ROBO2: variants seen among roughly 807,000 people sequenced by gnomAD.
ROBO2 encodes the protein roundabout homolog 2.
ROBO2 carries 53 observed loss-of-function variants against 160.8 expected under a neutral mutation model. The observed-to-expected ratio is 0.33, with a 90% CI of 0.26 to 0.41. ROBO2 has a LOEUF of 0.41. Among genes scored for constraint, ROBO2 ranks in the 10% least tolerant of loss-of-function variants. The probability of loss-of-function intolerance (pLI) is 1.00; values close to 1 mark genes in which losing one functional copy is unlikely to be tolerated. For missense variants in ROBO2, 1,577 were observed against 1,722.4 expected, an observed-to-expected ratio of 0.92 and a Z score of 1.49; for synonymous variants, 664 against 611.7, an observed-to-expected ratio of 1.09 and a Z score of -1.26.
rs140716647 is a variant in ROBO2 at position 76,660,806 on chromosome 3, A to T, written c.110-437208A>T. On this transcript the variant is annotated intron_variant, in intron 2 of 26. Transcript: ENST00000487694. ...TATGTACATCAAAGCTATTTTGACA[A>T]TTTGGCACTCAAAAAGAATTTACAG... Among the ~76,000 whole-genome samples the T allele has an allele frequency of 8.0e-3, 1,225 of 152,238 alleles. 9 individuals are homozygous for T. The highest frequency in any genetic ancestry group is 0.026 in the African/African-American group (1,089 of 41,544).
chr3:77,282,571 A>C (rs1346512647), intron 2 of ROBO2, among the ~76,000 whole-genome samples: 1 of 152,100 alleles, frequency 6.6e-6, no homozygotes, highest in Non-Finnish European at 1.5e-5. Flanking sequence ...TTGTATGAAA[A>C]GTTGAAGAGA....
chr3:77,487,560 T>A (rs1488274067), intron 4 of ROBO2, among the ~76,000 whole-genome samples: 1 of 152,198 alleles, frequency 6.6e-6, no homozygotes, highest in Non-Finnish European at 1.5e-5. Context: ...TCAGTCTTTT[T>A]CTGGAAGGGC....
chr3:76,326,229 G>A (rs911579269), intron 2 of ROBO2, among the ~76,000 whole-genome samples: 11 of 152,212 alleles, frequency 7.2e-5, no homozygotes, highest in Non-Finnish European at 1.5e-4. Flanking sequence ...AATGGCACAT[G>A]ATCAATGTAG....
intron 2 of ROBO2, among the ~76,000 whole-genome samples, chr3:76,608,682 T>G (rs1420668113): frequency 6.6e-6 from 1 of 152,164 alleles, no homozygotes; most frequent in Non-Finnish European, 1.5e-5. Context: ...CCCAATGTGT[T>G]TTTTTAGAAG....
At chr3:77,287,486 C>T (rs1482716369) in intron 2 of ROBO2, among the ~76,000 whole-genome samples, 1 of 152,128 alleles carries the variant, frequency 6.6e-6, no homozygotes, top group Non-Finnish European at 1.5e-5. Context: ...CACACCATCC[C>T]CAGATACTTC....
chr3:77,156,616 CATTTTT>C (rs1330033998), intron 2 of ROBO2, among the ~76,000 whole-genome samples: 1 of 151,812 alleles, frequency 6.6e-6, no homozygotes, highest in Non-Finnish European at 1.5e-5. Flanking sequence ...AAATTCTTAA[CATTTTT>C]AAGCTCCTGT....
At chr3:77,016,166 C>T (rs964175932) in intron 2 of ROBO2, among the ~76,000 whole-genome samples, 3 of 151,904 alleles carry the variant, frequency 2.0e-5, no homozygotes, top group African/African-American at 4.8e-5. Flanking sequence ...TTAGTAGAGA[C>T]GGGGTTTCAC....
At chr3:77,582,391 G>GTTTT (rs765606855) in intron 16 of ROBO2, among the ~76,000 whole-genome samples, 51 of 151,318 alleles carry the variant, frequency 3.4e-4, no homozygotes, top group Non-Finnish European at 1.9e-4. Flanking sequence ...AGCCAGTCTT[G>GTTTT]TTTTTTTTTA....
At chr3:76,509,247 G>C (rs2080955306) in intron 2 of ROBO2, among the ~76,000 whole-genome samples, 1 of 152,150 alleles carries the variant, frequency 6.6e-6, no homozygotes, top group Non-Finnish European at 1.5e-5. Flanking sequence ...GTTGCAGGCA[G>C]CCCCACTCTC....
At chr3:76,151,121 C>T (rs2072180743) in intron 2 of ROBO2, among the ~76,000 whole-genome samples, 1 of 152,098 alleles carries the variant, frequency 6.6e-6, no homozygotes, top group African/African-American at 2.4e-5. Flanking sequence ...ATCCTTGTGA[C>T]CTTATTATAA....
At chr3:77,320,453 C>T (rs902741064) in intron 2 of ROBO2, among the ~76,000 whole-genome samples, 4 of 152,074 alleles carry the variant, frequency 2.6e-5, no homozygotes, top group Admixed American at 6.6e-5. Context: ...GCCTCTTGAT[C>T]TTTTCCCACT....
chr3:76,162,094 C>A (rs1288079398), intron 2 of ROBO2, among the ~76,000 whole-genome samples: 3 of 152,126 alleles, frequency 2.0e-5, no homozygotes, highest in Non-Finnish European at 4.4e-5. Flanking sequence ...CTACTTTGGA[C>A]ATAAGTTATG....
At chr3:76,577,184 G>A (rs1296816284) in intron 2 of ROBO2, among the ~76,000 whole-genome samples, 1 of 151,938 alleles carries the variant, frequency 6.6e-6, no homozygotes, top group Non-Finnish European at 1.5e-5. Context: ...ACCTTGATAT[G>A]TTGCTACATG....
intron 2 of ROBO2, among the ~76,000 whole-genome samples, chr3:77,322,264 G>C (rs2153432305): frequency 6.6e-6 from 1 of 152,238 alleles, no homozygotes; most frequent in Admixed American, 6.5e-5. Flanking sequence ...CAAACATAGT[G>C]TTCCTTGGAA....
chr3:77,190,552 C>G (rs2081741655), intron 2 of ROBO2, among the ~76,000 whole-genome samples: 2 of 151,808 alleles, frequency 1.3e-5, no homozygotes, highest in African/African-American at 4.8e-5. Context: ...TACGAGAAAA[C>G]AGTGAAATGT....
At chr3:76,475,028 G>A (rs764860005) in intron 2 of ROBO2, among the ~76,000 whole-genome samples, 7 of 151,874 alleles carry the variant, frequency 4.6e-5, no homozygotes, top group Admixed American at 3.3e-4. Context: ...CTGAGGAATG[G>A]GGAGGACAGT....
intron 2 of ROBO2, among the ~76,000 whole-genome samples, chr3:76,851,560 C>A (rs533981146): frequency 2.0e-5 from 3 of 150,248 alleles, no homozygotes; most frequent in Non-Finnish European, 4.4e-5. Flanking sequence ...AAGGTGAAAC[C>A]CCGTCTCTAC....
intron 2 of ROBO2, among the ~76,000 whole-genome samples, chr3:76,825,491 T>A (rs2066493402): frequency 6.6e-6 from 1 of 150,958 alleles, no homozygotes; most frequent in Admixed American, 6.6e-5. Flanking sequence ...CCCAGTGTTT[T>A]AATAACCCTC....
intron 2 of ROBO2, among the ~76,000 whole-genome samples, chr3:76,846,704 C>T (rs2068805308): frequency 1.3e-5 from 2 of 152,212 alleles, no homozygotes; most frequent in Admixed American, 1.3e-4. Context: ...TGCTTAAACT[C>T]ACAAACTATT....
Sources: gnomAD v4.1 joint callset for allele counts (sites outside exome capture counted in the v4.1 genomes callset) on GRCh38, gnomAD v4.1.1 for gene constraint, MANE v1.5 for transcripts, NCBI Gene and HGNC (gene_info 2026-07-23, HGNC 2026-07-21) for gene names.